AATK: variants seen among roughly 807,000 people sequenced by gnomAD.
AATK encodes serine/threonine-protein kinase LMTK1.
AATK carries 91 observed loss-of-function variants against 114.3 expected under a neutral mutation model. The observed-to-expected ratio is 0.80, with a 90% confidence interval of 0.67 to 0.95. AATK has a LOEUF of 0.95. Among genes scored for constraint, AATK ranks in the 40% least tolerant of loss-of-function variants. The pLI, the probability that AATK is intolerant of heterozygous loss-of-function variation, is 0.00. For missense variants in AATK, 2,176 were observed against 1,965.2 expected, an observed-to-expected ratio of 1.11 and a Z score of -2.03; for synonymous variants, 1,075 against 916.5, an observed-to-expected ratio of 1.17 and a Z score of -3.12.
At chr17:81,125,249 T>A in intron 7 of AATK, 1 of 723,378 alleles carries the variant, frequency 1.4e-6, no homozygotes, top group Non-Finnish European at 2.6e-6. Flanking sequence ...GGAGGGACTG[T>A]GTGCGTGGGC....
chr17:81,140,684 C>T (rs531158349), intron 1 of AATK, among the ~76,000 whole-genome samples: 47 of 107,892 alleles, frequency 4.4e-4, no homozygotes, highest in African/African-American at 1.4e-3. Context: ...ACCATGGGGC[C>T]GTGGGGCCGT....
In AATK at chr17:81,119,406, G is replaced by C. The variant is rs1313456260; in HGVS notation, c.4058C>G (p.Ser1353Cys). 5 of 1,555,808 alleles carry C rather than the reference G, an allele frequency of 3.2e-6. No individual in the cohort carries two copies. The Admixed American group carries it at 7.9e-5, about 25-fold the overall frequency. ...TCTCTTGGACTCGGCGTCCGAGTCA[G>C]ACACGTGCGTGATGGAGAAGCGGGA... ...PTSRFSITHVSDSDAESKRGP... is the reference protein window; with the variant it reads ...PTSRFSITHVCDSDAESKRGP... The change falls in exon 13 of 14, where the codon TCT becomes TGT. Residue 1353 changes from serine (S) to cysteine (C), a missense_variant. This residue lies in a region of AATK where 1,701 missense variants were observed against 1,394.7 expected (regional missense o/e 1.22). Transcript: ENST00000326724.
At chr17:81,119,146 G>A (rs8081511) in intron 13 of AATK, among the ~76,000 whole-genome samples, 494 of 15,974 alleles carry the variant, frequency 0.031, 2 homozygotes, top group African/African-American at 0.08. Flanking sequence ...AGGGCCAGGT[G>A]AGGGTCAGGT....
At chr17:81,132,022 C>T in intron 2 of AATK, 1 of 1,305,030 alleles carries the variant, frequency 7.7e-7, no homozygotes, top group Non-Finnish European at 1.0e-6. Flanking sequence ...CCACTCCCTG[C>T]CAGGCTGCTA....
chr17:81,131,817 G>A (rs1319065669), intron 2 of AATK: 127 of 1,285,002 alleles, frequency 9.9e-5, no homozygotes, highest in Admixed American at 2.4e-5. Context: ...GCAATTAAGT[G>A]CCCCCACCCC....
chr17:81,138,914 GAC>G (rs751617507), intron 1 of AATK, among the ~76,000 whole-genome samples: 13 of 149,958 alleles, frequency 8.7e-5, no homozygotes, highest in African/African-American at 3.2e-4. Flanking sequence ...CACATGCGTA[GAC>G]AGATACCACA....
In AATK at chr17:81,122,833, G is replaced by C. The variant is rs2060716728; in HGVS notation, c.1113-10C>G. The stretch of plus-strand genomic sequence containing the variant: ...CTGCATCACCTCGTACCTGCGAGGA[G>C]GTCCCCCGGGGGCCACGTCAGAGGC... On this transcript the variant is annotated splice_polypyrimidine_tract_variant and intron_variant, in intron 10 of 13. Coordinates refer to ENST00000326724, the MANE Select transcript of AATK (RefSeq NM_001080395.3). The C allele has an allele frequency of 6.8e-7, 1 of 1,477,968 alleles. No homozygotes were observed. Among genetic ancestry groups the C allele is most frequent in the South Asian group, 1.3e-5 (1 of 75,092 alleles). The allele number at this position is 1,477,968 out of a possible 1,614,324, so 91.6% of individuals were successfully genotyped here. A position where few individuals can be genotyped will look rare whatever the true frequency, so the allele number is the denominator to read the frequency against.
At position 81,127,923 on chromosome 17, in the gene AATK, C is replaced by A; in HGVS notation, c.415-13G>T. The A allele has an allele frequency of 1.3e-6, 2 of 1,548,292 alleles. No homozygotes were observed. Among genetic ancestry groups the A allele is most frequent in the Non-Finnish European group, 1.7e-6 (2 of 1,146,684 alleles). On this transcript the variant is annotated splice_polypyrimidine_tract_variant and intron_variant, in intron 4 of 13. Coordinates refer to ENST00000326724, the MANE Select transcript of AATK (RefSeq NM_001080395.3). ...CCCCCAGGAACACCTGTGGGACAGA[C>A]AGCATCACCCACGGCTGCTCCGCCT... is the stretch of plus-strand genomic sequence containing the variant.
intron 1 of AATK, among the ~76,000 whole-genome samples, chr17:81,148,713 C>A (rs2061254995): frequency 6.6e-6 from 1 of 150,844 alleles, no homozygotes; most frequent in South Asian, 2.2e-4. Context: ...CACACTTGCA[C>A]ACACACACAC....
chr17:81,148,474 C>T (rs2061251800), intron 1 of AATK, among the ~76,000 whole-genome samples: 1 of 152,250 alleles, frequency 6.6e-6, no homozygotes, highest in African/African-American at 2.4e-5. Context: ...CTCAAGACCA[C>T]AGCCCAGGCC....
rs572926712 is a variant in AATK at position 81,120,323 on chromosome 17, G to A, written c.3613C>T (p.Arg1205Cys). ...PVVVAESQSA[R>C]NLRSLLKMPS... ...ATCTTGAGCAGGCTGCGCAGGTTGC[G>A]CGCGCTCTGGCTCTCAGCCACCACC... The change falls in exon 11 of 14, where the codon CGC becomes TGC. Residue 1205 changes from arginine (R) to cysteine (C), a missense_variant. This residue lies in a region of AATK where 1,701 missense variants were observed against 1,394.7 expected (regional missense o/e 1.22). Coordinates refer to ENST00000326724, the MANE Select transcript of AATK (RefSeq NM_001080395.3). 6.8e-6 allele frequency: 11 copies of A among 1,610,624 alleles called. No homozygotes were observed. Among genetic ancestry groups the A allele is most frequent in the South Asian group, 4.4e-5 (4 of 91,048 alleles).
intron 1 of AATK, among the ~76,000 whole-genome samples, chr17:81,141,870 GTTAC>G (rs1045523072): frequency 3.3e-5 from 5 of 152,224 alleles, no homozygotes; most frequent in Admixed American, 6.5e-5. Flanking sequence ...AGTGCCAGCA[GTTAC>G]TTACTTTTTT....
chr17:81,128,199 G>A (rs947158605), intron 4 of AATK, among the ~76,000 whole-genome samples: 1 of 152,074 alleles, frequency 6.6e-6, no homozygotes, highest in Non-Finnish European at 1.5e-5. Context: ...CAGGTGTCTC[G>A]TTTAGGCCAA....
rs1368384033 is a variant in AATK at position 81,120,269 on chromosome 17, C to T, written c.3667G>A (p.Glu1223Lys). ...GCCTTCTTCTTGCGTTCCAGGTCCT[C>T]GCAGAAGGTCTCGGACAGCAGGCTG... ...MPSLLSETFC[E>K]DLERKKKAVS... is the part of the protein sequence containing the mutation. Residue 1223 changes from glutamate (E) to lysine (K), a missense_variant, in exon 11 of 14, where the codon GAG becomes AAG. Around this residue, in one of 4 missense-constraint regions of AATK, gnomAD observed 1,701 missense variants for 1,394.7 expected, o/e 1.22. Coordinates refer to ENST00000326724, the MANE Select transcript of AATK (RefSeq NM_001080395.3). The T allele has an allele frequency of 1.3e-5, 21 of 1,603,498 alleles. No individual in the cohort carries two copies. The highest frequency in any genetic ancestry group is 1.7e-5 in the Non-Finnish European group (20 of 1,173,502).
intron 1 of AATK, among the ~76,000 whole-genome samples, chr17:81,160,714 C>A (rs1460153675): frequency 6.6e-6 from 1 of 152,248 alleles, no homozygotes; most frequent in Non-Finnish European, 1.5e-5. Flanking sequence ...AGGCTCCCAC[C>A]CAGGAGTGGT....
chr17:81,130,458 G>A (rs1393623659), intron 3 of AATK, among the ~76,000 whole-genome samples: 1 of 152,160 alleles, frequency 6.6e-6, no homozygotes, highest in Non-Finnish European at 1.5e-5. Flanking sequence ...TGAGGCTGTG[G>A]CTGAGGCCCT....
intron 1 of AATK, among the ~76,000 whole-genome samples, chr17:81,139,928 C>G (rs899992368): frequency 2.0e-5 from 3 of 152,228 alleles, no homozygotes; most frequent in Non-Finnish European, 4.4e-5. Context: ...TAAAATGCAC[C>G]AGGACTGTCA....
In AATK at chr17:81,120,444, G is replaced by GTCCTCC. The variant is rs747276632; in HGVS notation, c.3486_3491dup (p.Glu1162_Glu1163dup). 3.2e-6 allele frequency: 5 copies of GTCCTCC among 1,565,330 alleles called. No individual in the cohort carries two copies. Among genetic ancestry groups the GTCCTCC allele is most frequent in the African/African-American group, 2.7e-5 (2 of 73,740 alleles). ...CGTCAGACTCGTCGCTGTCCTCACTGTCCTCCTCCTCCTCCTCCGGCCGGC... is the reference window on the plus strand; with the variant it reads ...CGTCAGACTCGTCGCTGTCCTCACTGTCCTCCTCCTCCTCCTCCTCCTCCGGCCGGC... On this transcript the variant is annotated inframe_insertion, in exon 11 of 14. Coordinates refer to ENST00000326724, the MANE Select transcript of AATK (RefSeq NM_001080395.3).
rs1342346779 is a variant in AATK at position 81,127,614 on chromosome 17, G to C, written c.590C>G (p.Pro197Arg). 2.5e-6 allele frequency: 4 copies of C among 1,602,832 alleles called. No individual in the cohort carries two copies. Among genetic ancestry groups the C allele is most frequent in the Non-Finnish European group, 3.4e-6 (4 of 1,175,364 alleles). The change falls in exon 6 of 14, where the codon CCC (proline) becomes CGC (arginine). Residue 197 changes from proline (P) to arginine (R), a missense_variant. This residue lies in a region of AATK where 273 missense variants were observed against 344.1 expected (regional missense o/e 0.79). Coordinates refer to ENST00000326724, the MANE Select transcript of AATK (RefSeq NM_001080395.3). ...GCAGAACTCCATCACCAGCAGGTAG[G>C]GCGTCACCTCGGCGCACTGGGCCAG... is the stretch of plus-strand genomic sequence containing the variant. ...QCLAQCAEVT[P>R]YLLVMEFCPL...
Sources: allele counts gnomAD v4.1 joint callset (sites outside exome capture counted in the v4.1 genomes callset), GRCh38; gene constraint gnomAD v4.1.1; regional missense constraint gnomAD v4.1.1; transcripts MANE v1.5; gene names NCBI Gene and HGNC (gene_info 2026-07-23, HGNC 2026-07-21).